The following CSMD3 variants were observed in gnomAD, a reference collection of about 807,000 sequenced individuals.
The protein encoded by CSMD3 is CUB and sushi domain-containing protein 3.
In CSMD3, 177 loss-of-function variants were observed where a neutral mutation model predicts 435.2. The ratio of observed to expected loss-of-function variants is 0.41; its 90% confidence interval spans 0.36 to 0.46. CSMD3 has a LOEUF of 0.46. Among genes scored for constraint, CSMD3 ranks in the 20% least tolerant of loss-of-function variants. The pLI, the probability that CSMD3 is intolerant of heterozygous loss-of-function variation, is 0.34. For synonymous variants in CSMD3, 1,656 were observed against 1,520.5 expected (o/e 1.09, Z -2.07); for missense variants, 4,265 against 4,504.6 (o/e 0.95, Z 1.52).
chr8:113,263,393 A>C (rs1002558010), intron 3 of CSMD3, among the ~76,000 whole-genome samples: 5 of 152,020 alleles, frequency 3.3e-5, no homozygotes, highest in African/African-American at 1.2e-4. Flanking sequence ...ATAATTCTAA[A>C]GTCCCACAAC....
intron 3 of CSMD3, among the ~76,000 whole-genome samples, chr8:113,190,685 G>GTT (rs113068906): frequency 1.1e-3 from 158 of 145,986 alleles, no homozygotes; most frequent in African/African-American, 3.3e-3. Context: ...ATTTACTCTG[G>GTT]TTTTTTTTTT....
chr8:112,903,264 T>C (rs1170289927), intron 10 of CSMD3, among the ~76,000 whole-genome samples: 2 of 151,092 alleles, frequency 1.3e-5, no homozygotes, highest in African/African-American at 4.8e-5. Context: ...CAAATATTGC[T>C]AGATTCTAAA....
At chr8:112,448,467 A>G (rs1815878177) in intron 32 of CSMD3, among the ~76,000 whole-genome samples, 1 of 152,162 alleles carries the variant, frequency 6.6e-6, no homozygotes, top group African/African-American at 2.4e-5. Context: ...AACAGAGGAA[A>G]GATGTTCATG....
rs2131786065 is a variant in CSMD3 at position 112,682,546 on chromosome 8, A to T, written c.2573T>A (p.Val858Asp). Residue 858 changes from valine to aspartate, a missense_variant, in exon 16 of 71, where the codon GTT becomes GAT. This residue lies in a region of CSMD3 where 279 missense variants were observed against 369.0 expected (regional missense o/e 0.76). Transcript: ENST00000297405. ...TTTAATAAATCCTTCTTCACAAATA[A>T]CTGAAATTGAACTTCCTAATTGAAA... The part of the protein sequence containing the change: ...DNFQLGSSIS[V>D]ICEEGFIKTQ... The T allele has an allele frequency of 6.2e-7, 1 of 1,613,464 alleles. No individual in the cohort carries two copies. The highest frequency in any genetic ancestry group is 8.5e-7 in the Non-Finnish European group (1 of 1,179,484).
At chr8:112,776,145 T>G in intron 13 of CSMD3, among the ~76,000 whole-genome samples, 1 of 151,752 alleles carries the variant, frequency 6.6e-6, no homozygotes, top group Non-Finnish European at 1.5e-5. Flanking sequence ...TCCTATTGAC[T>G]CCTTATTTAA....
intron 1 of CSMD3, among the ~76,000 whole-genome samples, chr8:113,411,977 G>A (rs2094561796): frequency 6.6e-6 from 1 of 152,080 alleles, no homozygotes; most frequent in African/African-American, 2.4e-5. Flanking sequence ...GTTACTAGCT[G>A]TGTACCCAGG....
intron 1 of CSMD3, among the ~76,000 whole-genome samples, chr8:113,389,481 C>A (rs1368208151): frequency 6.6e-6 from 1 of 151,560 alleles, no homozygotes; most frequent in East Asian, 1.9e-4. Context: ...GTATTGAAGA[C>A]TTTTGATGTG....
rs192792096 is a variant in CSMD3, at chr8:113,233,144, A to G, written c.514+45448T>C. 1.5e-4 allele frequency among the ~76,000 whole-genome samples: 23 copies of G among 151,938 alleles called. No individual in the cohort carries two copies. In the East Asian group the frequency reaches 4.3e-3, roughly 28 times the overall value. On this transcript the variant is annotated intron_variant, in intron 3 of 70. Transcript: ENST00000297405. ...TGAAAATCAATAATAAAGTATGTTA[A>G]TTAATCAATGCTAAGGTTTGAATTG...
At chr8:112,329,727 A>G (rs1321934644) in intron 45 of CSMD3, among the ~76,000 whole-genome samples, 1 of 152,178 alleles carries the variant, frequency 6.6e-6, no homozygotes, top group African/African-American at 2.4e-5. Context: ...AATAAATACC[A>G]TACCTTATCA....
intron 11 of CSMD3, among the ~76,000 whole-genome samples, chr8:112,854,007 A>G (rs1032583188): frequency 5.3e-5 from 8 of 152,060 alleles, no homozygotes; most frequent in Non-Finnish European, 1.5e-5. Context: ...GACTGTTTTT[A>G]CTGCAAGCTC....
chr8:112,966,386 G>A (rs1026848462), intron 7 of CSMD3, among the ~76,000 whole-genome samples: 3 of 151,296 alleles, frequency 2.0e-5, no homozygotes, highest in African/African-American at 7.3e-5. Flanking sequence ...AGAAAACAAT[G>A]CTTAAAGATT....
intron 20 of CSMD3, among the ~76,000 whole-genome samples, chr8:112,640,791 AG>A (rs2074801802): frequency 6.6e-6 from 1 of 152,078 alleles, no homozygotes; most frequent in Admixed American, 6.6e-5. Flanking sequence ...AAATAATGTA[AG>A]GGTAGAAAGT....
In CSMD3 at chr8:112,698,702, G is replaced by T. The variant is rs145810948; in HGVS notation, c.1973-8652C>A. 2.3e-3 allele frequency among the ~76,000 whole-genome samples: 347 copies of T among 152,192 alleles called. 1 individual carries two copies. The highest frequency in any genetic ancestry group is 8.1e-3 in the African/African-American group (335 of 41,538). ...AGATAATGGCAGAGTACAACACATT[G>T]AATAAAATTTAAATGCATTCATCCA... On this transcript the variant is annotated intron_variant, in intron 13 of 70. Transcript: ENST00000297405.
chr8:113,278,795 A>G (rs2093591226), intron 2 of CSMD3, 91 bp from the exon 3 acceptor site: 1 of 708,372 alleles, frequency 1.4e-6, no homozygotes, highest in African/African-American at 1.8e-5. Flanking sequence ...AAAAAATAAT[A>G]AAACAGATTT....
At chr8:112,290,683 A>G (rs1819675850) in intron 56 of CSMD3, among the ~76,000 whole-genome samples, 3 of 152,036 alleles carry the variant, frequency 2.0e-5, no homozygotes, top group Non-Finnish European at 2.9e-5. Flanking sequence ...AATTTTATTT[A>G]GCAATTTAAT....
chr8:112,886,056 T>A (rs2081579535), intron 10 of CSMD3, among the ~76,000 whole-genome samples: 2 of 151,732 alleles, frequency 1.3e-5, no homozygotes, highest in African/African-American at 4.8e-5. Context: ...TATTACCCAA[T>A]CCGAAAGATG....
chr8:113,079,065 A>G (rs1463654845), intron 5 of CSMD3, among the ~76,000 whole-genome samples: 1 of 152,118 alleles, frequency 6.6e-6, no homozygotes, highest in Non-Finnish European at 1.5e-5. Flanking sequence ...GATTTAAGCA[A>G]CCCTGACCCA....
intron 3 of CSMD3, among the ~76,000 whole-genome samples, chr8:113,230,027 C>A (rs1307319870): frequency 6.6e-6 from 1 of 151,544 alleles, no homozygotes; most frequent in Non-Finnish European, 1.5e-5. Context: ...GAAAAATCAT[C>A]AAGAGATTGT....
chr8:112,320,538 G>A (rs1822894874), intron 45 of CSMD3, among the ~76,000 whole-genome samples: 2 of 150,104 alleles, frequency 1.3e-5, no homozygotes, highest in East Asian at 2.0e-4. Flanking sequence ...TGTGCACAAC[G>A]TGCAGGTTTG....
Sources: gnomAD v4.1 joint callset for allele counts (sites outside exome capture counted in the v4.1 genomes callset) on GRCh38, gnomAD v4.1.1 for gene constraint, gnomAD v4.1.1 regional missense constraint, MANE v1.5 for transcripts, NCBI Gene and HGNC (gene_info 2026-07-23, HGNC 2026-07-21) for gene names.